Variants in EFCAB6 observed in about 807,000 individuals in gnomAD.
EFCAB6 encodes the protein EF-hand calcium binding domain 6.
EFCAB6 carries 156 observed loss-of-function variants against 169.8 expected under a neutral mutation model. That is an observed-to-expected ratio of 0.92 (90% confidence interval 0.81 to 1.05). EFCAB6 has a LOEUF of 1.05. Ranked by LOEUF, EFCAB6 falls within the 50% of genes least tolerant of loss-of-function variation. The pLI is 0.00. For synonymous variants in EFCAB6, 698 were observed against 676.4 expected, an observed-to-expected ratio of 1.03 and a Z score of -0.50; for missense variants, 1,800 against 1,829.1, an observed-to-expected ratio of 0.98 and a Z score of 0.29.
chr22:43,762,630 A>G (rs1026620804), intron 5 of EFCAB6, among the ~76,000 whole-genome samples: 1 of 152,246 alleles, frequency 6.6e-6, no homozygotes, highest in Non-Finnish European at 1.5e-5. Flanking sequence ...GTCTCCAACA[A>G]CAAAGATAAT....
At chr22:43,739,941 C>T (rs756763922) in intron 6 of EFCAB6, among the ~76,000 whole-genome samples, 3 of 152,258 alleles carry the variant, frequency 2.0e-5, no homozygotes, top group South Asian at 2.1e-4. Context: ...CCATTCCACT[C>T]GCTGTGACCC....
intron 6 of EFCAB6, among the ~76,000 whole-genome samples, chr22:43,736,793 T>C (rs1449204001): frequency 6.6e-6 from 1 of 152,060 alleles, no homozygotes; most frequent in African/African-American, 2.4e-5. Context: ...CAGTGTTAGA[T>C]ACGGAAACTG....
At chr22:43,785,686 T>C (rs1400336790) in intron 2 of EFCAB6, among the ~76,000 whole-genome samples, 1 of 151,888 alleles carries the variant, frequency 6.6e-6, no homozygotes, top group African/African-American at 2.4e-5. Context: ...AAATCAAGAA[T>C]AGAAAAATAG....
At chr22:43,546,609 G>A (rs1038261665) in intron 27 of EFCAB6, among the ~76,000 whole-genome samples, 2 of 152,130 alleles carry the variant, frequency 1.3e-5, no homozygotes, top group African/African-American at 4.8e-5. Context: ...GGTGGCTCAC[G>A]CCTGTAATCC....
chr22:43,550,593 A>G (rs1003555138), intron 27 of EFCAB6, among the ~76,000 whole-genome samples: 2 of 148,568 alleles, frequency 1.3e-5, no homozygotes, highest in African/African-American at 5.0e-5. Flanking sequence ...AACTGCTTGA[A>G]CCCGATAGGC....
intron 22 of EFCAB6, among the ~76,000 whole-genome samples, chr22:43,603,785 G>A (rs931136655): frequency 1.3e-5 from 2 of 152,244 alleles, no homozygotes; most frequent in Admixed American, 1.3e-4. Context: ...CCATCTTGGA[G>A]GGAGGTCTAA....
At chr22:43,543,634 G>A (rs2047876143) in intron 27 of EFCAB6, among the ~76,000 whole-genome samples, 1 of 152,174 alleles carries the variant, frequency 6.6e-6, no homozygotes, top group South Asian at 2.1e-4. Flanking sequence ...GCAGAGGTCT[G>A]AGGGGATGAG....
Position 43,615,814 on chromosome 22 carries a change from T to C in EFCAB6, c.2562+12A>G, listed in dbSNP as rs376320392. On this transcript the variant is annotated intron_variant, in intron 21 of 31. Coordinates refer to ENST00000262726, the MANE Select transcript of EFCAB6 (RefSeq NM_022785.4). ...ATTTTCTTTCCTTTTAAGGAAATAATCATTTTCTTACCTTAGACAAGTCTG... is the reference window on the plus strand; with the variant it reads ...ATTTTCTTTCCTTTTAAGGAAATAACCATTTTCTTACCTTAGACAAGTCTG... 335 of 1,604,270 alleles carry C rather than the reference T, an allele frequency of 2.1e-4. No homozygotes were observed. The highest frequency in any genetic ancestry group is 2.8e-4 in the Non-Finnish European group (326 of 1,174,118).
chr22:43,615,061 G>C (rs1221344247), intron 21 of EFCAB6, among the ~76,000 whole-genome samples: 2 of 152,198 alleles, frequency 1.3e-5, no homozygotes, highest in Non-Finnish European at 2.9e-5. Flanking sequence ...TTTCACACTG[G>C]GCACAGGCCA....
At chr22:43,765,788 T>C (rs1042988943) in intron 4 of EFCAB6, among the ~76,000 whole-genome samples, 13 of 152,312 alleles carry the variant, frequency 8.5e-5, no homozygotes, top group African/African-American at 3.1e-4. Flanking sequence ...TACACGAGTT[T>C]GTACATACAG....
At chr22:43,755,404 T>C (rs1037641841) in intron 6 of EFCAB6, among the ~76,000 whole-genome samples, 1 of 152,256 alleles carries the variant, frequency 6.6e-6, no homozygotes, top group Non-Finnish European at 1.5e-5. Context: ...CAGCTCTTGA[T>C]TGGCATTGAC....
At chr22:43,632,294 CTTTTTTTTTT>C (rs200314912) in intron 18 of EFCAB6, 56 bp from the exon 19 acceptor site, 161,492 of 1,130,652 alleles carry the variant, frequency 0.14, 3,923 homozygotes, top group East Asian at 0.25. Context: ...TTCATTCCTT[CTTTTTTTTTT>C]TTTTTTTTTT....
chr22:43,639,779 T>C (rs912366887), intron 17 of EFCAB6, among the ~76,000 whole-genome samples: 5 of 152,194 alleles, frequency 3.3e-5, no homozygotes, highest in Non-Finnish European at 7.3e-5. Context: ...ACACCTATGT[T>C]AGACCTTTTG....
intron 27 of EFCAB6, chr22:43,552,168 G>A (rs192975599): frequency 4.6e-5 from 7 of 152,244 alleles, no homozygotes; most frequent in Admixed American, 4.6e-4. Context: ...ATTCCACGGT[G>A]TAGATGTACC....
At chr22:43,618,803 C>T (rs1478121483) in intron 20 of EFCAB6, among the ~76,000 whole-genome samples, 1 of 152,040 alleles carries the variant, frequency 6.6e-6, no homozygotes. Flanking sequence ...ATGGTGCCAA[C>T]GATAGCAGTG....
chr22:43,756,558 G>A (rs1321889543), intron 5 of EFCAB6, among the ~76,000 whole-genome samples: 1 of 152,128 alleles, frequency 6.6e-6, no homozygotes, highest in Non-Finnish European at 1.5e-5. Context: ...AGGCAGAGCT[G>A]GCGCCCCTCC....
At chr22:43,769,098 G>T (rs2061398048) in intron 4 of EFCAB6, among the ~76,000 whole-genome samples, 1 of 152,172 alleles carries the variant, frequency 6.6e-6, no homozygotes, top group Admixed American at 6.5e-5. Context: ...ACAACTCAAA[G>T]GTCCATCAGC....
At chr22:43,636,981 AGAG>A (rs937982346) in intron 17 of EFCAB6, among the ~76,000 whole-genome samples, 5 of 152,178 alleles carry the variant, frequency 3.3e-5, no homozygotes, top group African/African-American at 1.2e-4. Flanking sequence ...GACAAAGAAG[AGAG>A]GAGATGAAAA....
intron 6 of EFCAB6, among the ~76,000 whole-genome samples, chr22:43,738,547 A>G (rs2060253507): frequency 6.6e-6 from 1 of 151,872 alleles, no homozygotes; most frequent in Non-Finnish European, 1.5e-5. Context: ...ACACCTGTGC[A>G]TATACTCACA....
Sources: gnomAD v4.1 joint callset for allele counts (sites outside exome capture counted in the v4.1 genomes callset) on GRCh38, gnomAD v4.1.1 for gene constraint, MANE v1.5 for transcripts, NCBI Gene and HGNC (gene_info 2026-07-23, HGNC 2026-07-21) for gene names.